PAK2: variants seen among roughly 807,000 people sequenced by gnomAD.
PAK2 encodes serine/threonine-protein kinase PAK 2.
A neutral mutation model predicts 65.9 loss-of-function variants in PAK2; 21 were observed. The ratio of observed to expected loss-of-function variants is 0.32; its 90% CI spans 0.23 to 0.46. The LOEUF (loss-of-function observed/expected upper bound fraction) is 0.46, where lower values mean the gene tolerates loss of function less well. PAK2 is among the 20% of genes least tolerant of loss of function. The pLI is 1.00. For synonymous variants in PAK2, 204 were observed against 219.7 expected, an observed-to-expected ratio of 0.93 and a Z score of 0.63; for missense variants, 324 against 642.6, an observed-to-expected ratio of 0.50 and a Z score of 5.36.
intron 1 of PAK2, chr3:196,747,082 C>T (rs143964644): frequency 1.2e-3 from 175 of 151,012 alleles, no homozygotes; most frequent in African/African-American, 4.1e-3. Context: ...TTTTACTAAC[C>T]AGCTTTGAGA....
At position 196,778,004 on chromosome 3, in the gene PAK2, C is replaced by T. The variant is rs1402577740; in HGVS notation, c.-21-4622C>T. On this transcript the variant is annotated intron_variant, in intron 1 of 14. Transcript: ENST00000327134. ...TGTCTTCATACCGGAACATTTGCGTCCCCCAGAGAAACTTGATACCCATTA... is the reference window on the plus strand; with the variant it reads ...TGTCTTCATACCGGAACATTTGCGTTCCCCAGAGAAACTTGATACCCATTA... 3.6e-4 allele frequency among the ~76,000 whole-genome samples: 55 copies of T among 152,126 alleles called. 1 individual carries two copies. The highest frequency in any genetic ancestry group is 1.3e-3 in the African/African-American group (54 of 41,412).
chr3:196,750,471 C>T (rs1273784539), intron 1 of PAK2, among the ~76,000 whole-genome samples: 1 of 152,090 alleles, frequency 6.6e-6, no homozygotes, highest in Non-Finnish European at 1.5e-5. Context: ...GTAAATTCTA[C>T]ACTGCTCAAG....
At chr3:196,748,891 C>T (rs1003897443) in intron 1 of PAK2, among the ~76,000 whole-genome samples, 3 of 152,236 alleles carry the variant, frequency 2.0e-5, no homozygotes, top group South Asian at 4.1e-4. Context: ...CATCCATCTC[C>T]GAAACTTTCC....
At chr3:196,816,062 A>G (rs1251414504) in intron 11 of PAK2, among the ~76,000 whole-genome samples, 1 of 152,110 alleles carries the variant, frequency 6.6e-6, no homozygotes, top group African/African-American at 2.4e-5. Flanking sequence ...TACAGATAAG[A>G]TTTGGGCTAA....
At position 196,820,761 on chromosome 3, in the gene PAK2, G is replaced by A. The variant is rs539087715; in HGVS notation, c.1350+194G>A. Among the ~76,000 whole-genome samples, 2 of 152,282 alleles carry A rather than the reference G, an allele frequency of 1.3e-5. No homozygotes were observed. Among genetic ancestry groups the A allele is most frequent in the African/African-American group, 4.8e-5 (2 of 41,556 alleles). Reference sequence around the variant, plus strand: ...AATGTGTTAGGTGAAGACTTTGTAGGTTTTTAGTAGTAAGCTGTATTGTTT... The same window carrying A: ...AATGTGTTAGGTGAAGACTTTGTAGATTTTTAGTAGTAAGCTGTATTGTTT... On this transcript the variant is annotated intron_variant, in intron 13 of 14. Transcript: ENST00000327134. This position sits in a 1 kb window ranked among gnomAD's most constrained non-coding sequence, Gnocchi z 4.6.
chr3:196,816,805 C>T (rs536129105), intron 11 of PAK2, among the ~76,000 whole-genome samples: 1 of 152,258 alleles, frequency 6.6e-6, no homozygotes, highest in South Asian at 2.1e-4. Context: ...TCATCTCGTT[C>T]TCGTTTGTAA....
At chr3:196,783,603 G>A (rs998162376) in intron 2 of PAK2, among the ~76,000 whole-genome samples, 8 of 148,934 alleles carry the variant, frequency 5.4e-5, no homozygotes, top group African/African-American at 7.4e-5. Flanking sequence ...AAAAGTGTAC[G>A]TATATATATG....
chr3:196,828,409 C>G lies in PAK2; in HGVS notation c.*4C>G, dbSNP rs372020069. 3.3e-6 allele frequency: 5 copies of G among 1,513,772 alleles called. No homozygotes were observed. The highest frequency in any genetic ancestry group is 2.3e-5 in the South Asian group (2 of 88,590). The allele number at this position is 1,513,772 out of a possible 1,614,324, so 93.8% of individuals were successfully genotyped here. On this transcript the variant is annotated 3_prime_UTR_variant, in exon 15 of 15. Transcript: ENST00000327134. ...AGCAATGAAGAGTAACCGTTAACAT[C>G]ACTGCTGTGGCCTCATACTCTTTTT...
intron 1 of PAK2, among the ~76,000 whole-genome samples, chr3:196,747,666 C>T (rs919647217): frequency 6.6e-6 from 1 of 152,098 alleles, no homozygotes; most frequent in Non-Finnish European, 1.5e-5. Context: ...GAGTTTTATA[C>T]ATAACCTATT....
intron 1 of PAK2, among the ~76,000 whole-genome samples, chr3:196,765,534 A>C (rs945547840): frequency 1.3e-5 from 2 of 152,188 alleles, no homozygotes; most frequent in Non-Finnish European, 2.9e-5. Context: ...TCCTGATAAC[A>C]CTTGATTTGA....
intron 2 of PAK2, among the ~76,000 whole-genome samples, chr3:196,800,103 A>G (rs1715377209): frequency 6.6e-6 from 1 of 152,236 alleles, no homozygotes; most frequent in South Asian, 2.1e-4. Context: ...ATTCTCAGCC[A>G]GGTGCAGTGG....
chr3:196,753,964 A>T (rs1713691239), intron 1 of PAK2, among the ~76,000 whole-genome samples: 2 of 152,040 alleles, frequency 1.3e-5, no homozygotes, highest in Non-Finnish European at 2.9e-5. Context: ...AACACATGTA[A>T]TTATTAGGTT....
At chr3:196,793,369 C>T (rs1715137673) in intron 2 of PAK2, among the ~76,000 whole-genome samples, 1 of 152,092 alleles carries the variant, frequency 6.6e-6, no homozygotes, top group Admixed American at 6.6e-5. Flanking sequence ...TGACTCACAG[C>T]CTCAGACAGG....
intron 1 of PAK2, among the ~76,000 whole-genome samples, chr3:196,766,118 A>G (rs1560095977): frequency 6.6e-6 from 1 of 152,032 alleles, no homozygotes; most frequent in Non-Finnish European, 1.5e-5. Flanking sequence ...GTTGGTCTCG[A>G]ACTCCTGATC....
Position 196,814,560 on chromosome 3 carries a change from T to G in PAK2, c.1045T>G (p.Cys349Gly). The change falls in exon 11 of 15, where the codon TGC (cysteine) becomes GGC (glycine). Residue 349 changes from cysteine (C) to glycine (G), a missense_variant. Physicochemically the swap from Cys to Gly is radical, Grantham distance 159 (BLOSUM62 -3). Transcript: ENST00000327134. Reference sequence around the variant, plus strand: ...GGATGAAGCACAGATTGCTGCTGTATGCAGAGAGGTAGGTTTGCCTCCTTC... The same window carrying G: ...GGATGAAGCACAGATTGCTGCTGTAGGCAGAGAGGTAGGTTTGCCTCCTTC... ...CMDEAQIAAVCRECLQALEFL... is the reference protein window; with the variant it reads ...CMDEAQIAAVGRECLQALEFL... The G allele has an allele frequency of 7.6e-7, 1 of 1,323,576 alleles. No homozygotes were observed. Among genetic ancestry groups the G allele is most frequent in the Non-Finnish European group, 1.1e-6 (1 of 919,868 alleles). 82.0% of individuals were successfully genotyped at this position (1,323,576 alleles called of 1,614,324 possible).
At chr3:196,770,715 C>T (rs1039437929) in intron 1 of PAK2, among the ~76,000 whole-genome samples, 5 of 129,030 alleles carry the variant, frequency 3.9e-5, no homozygotes, top group South Asian at 2.4e-4. Context: ...CTCCGCCTCC[C>T]GGGTTCAAGC....
At chr3:196,808,728 G>T (rs1715672596) in intron 7 of PAK2, among the ~76,000 whole-genome samples, 1 of 151,568 alleles carries the variant, frequency 6.6e-6, no homozygotes, top group African/African-American at 2.4e-5. Flanking sequence ...AGGTGTCATG[G>T]CAGGTGCCTG....
chr3:196,743,751 G>A (rs1308621542), intron 1 of PAK2, among the ~76,000 whole-genome samples: 4 of 151,900 alleles, frequency 2.6e-5, no homozygotes, highest in African/African-American at 4.8e-5. Flanking sequence ...GCGTGGTGGC[G>A]GGCGCCTGTA....
chr3:196,751,395 C>T (rs892211814), intron 1 of PAK2, among the ~76,000 whole-genome samples: 4 of 151,700 alleles, frequency 2.6e-5, no homozygotes, highest in African/African-American at 9.7e-5. Flanking sequence ...CTCCTGTAAT[C>T]CTAGCACTTT....
Sources: gnomAD v4.1 joint callset for allele counts (sites outside exome capture counted in the v4.1 genomes callset) on GRCh38, gnomAD v4.1.1 for gene constraint, Gnocchi (gnomAD v3.1) non-coding constraint, MANE v1.5 for transcripts, NCBI Gene and HGNC (gene_info 2026-07-23, HGNC 2026-07-21) for gene names.